ASIC2: variants seen among roughly 807,000 people sequenced by gnomAD.
ASIC2 encodes the protein acid sensing ion channel subunit 2, also known as acid-sensing ion channel 2.
A neutral mutation model predicts 57.3 loss-of-function variants in ASIC2; 25 were observed. The observed-to-expected ratio is 0.44, with a 90% CI of 0.32 to 0.61. The LOEUF (loss-of-function observed/expected upper bound fraction) is 0.61. Ranked by LOEUF, ASIC2 falls within the 20% of genes least tolerant of loss-of-function variation. ASIC2 has a pLI of 0.06. For synonymous variants in ASIC2, 319 were observed against 307.5 expected (o/e 1.04, Z -0.39); for missense variants, 641 against 738.1 (o/e 0.87, Z 1.52).
At chr17:34,023,694 G>A (rs1907270052) in intron 1 of ASIC2, among the ~76,000 whole-genome samples, 1 of 152,178 alleles carries the variant, frequency 6.6e-6, no homozygotes, top group Non-Finnish European at 1.5e-5. Flanking sequence ...GAAGCAGAGA[G>A]TAGCCCTCCC....
chr17:33,084,088 C>A (rs542985378), intron 3 of ASIC2, among the ~76,000 whole-genome samples: 1 of 152,220 alleles, frequency 6.6e-6, no homozygotes, highest in South Asian at 2.1e-4. Flanking sequence ...GCTGGCAGAG[C>A]CGGGAGTGGG....
At chr17:33,431,009 C>A (rs1463005941) in intron 1 of ASIC2, among the ~76,000 whole-genome samples, 1 of 152,096 alleles carries the variant, frequency 6.6e-6, no homozygotes, top group Non-Finnish European at 1.5e-5. Context: ...GTCTCAGCAT[C>A]TATGTGAGAG....
intron 1 of ASIC2, among the ~76,000 whole-genome samples, chr17:33,209,117 G>A (rs1003462968): frequency 2.6e-5 from 4 of 152,092 alleles, no homozygotes; most frequent in African/African-American, 4.8e-5. Context: ...CTCAAGCCTC[G>A]AAGCCCAGGA....
At chr17:33,190,353 A>G (rs1190999908) in intron 1 of ASIC2, among the ~76,000 whole-genome samples, 1 of 152,200 alleles carries the variant, frequency 6.6e-6, no homozygotes, top group Non-Finnish European at 1.5e-5. Context: ...AGAGTCATAC[A>G]CTAAAAACTA....
chr17:33,676,875 T>C (rs1436795934), intron 1 of ASIC2, among the ~76,000 whole-genome samples: 1 of 152,198 alleles, frequency 6.6e-6, no homozygotes, highest in Non-Finnish European at 1.5e-5. Flanking sequence ...GGAAGGTGTC[T>C]GGGTCATGGA....
intron 1 of ASIC2, among the ~76,000 whole-genome samples, chr17:34,027,015 A>G (rs1165440118): frequency 6.6e-6 from 1 of 152,224 alleles, no homozygotes; most frequent in African/African-American, 2.4e-5. Flanking sequence ...GAATGTGGCA[A>G]TCCACACCAA....
chr17:33,474,129 G>A (rs1913140883), intron 1 of ASIC2, among the ~76,000 whole-genome samples: 1 of 152,220 alleles, frequency 6.6e-6, no homozygotes, highest in South Asian at 2.1e-4. Context: ...CACTTTGGGA[G>A]GCTGAGGCAA....
intron 1 of ASIC2, among the ~76,000 whole-genome samples, chr17:33,358,497 G>A (rs1908474367): frequency 6.6e-6 from 1 of 152,192 alleles, no homozygotes; most frequent in Non-Finnish European, 1.5e-5. Flanking sequence ...ATTCATTTTT[G>A]TAGTGGACAT....
At chr17:33,290,724 A>G (rs540100537) in intron 1 of ASIC2, 1 of 152,374 alleles carries the variant, frequency 6.6e-6, no homozygotes, top group Non-Finnish European at 1.5e-5. Flanking sequence ...CTGGCGCACC[A>G]CTGCTCAGTT....
intron 1 of ASIC2, among the ~76,000 whole-genome samples, chr17:33,851,330 A>C (rs1913758183): frequency 6.6e-6 from 1 of 152,026 alleles, no homozygotes. Flanking sequence ...GGGTTGATGT[A>C]TTAAAGACCA....
At chr17:34,027,601 C>T (rs1907428069) in intron 1 of ASIC2, among the ~76,000 whole-genome samples, 1 of 152,198 alleles carries the variant, frequency 6.6e-6, no homozygotes, top group Admixed American at 6.5e-5. Context: ...TTCTTTTGTA[C>T]ACTGCTAGTT....
intron 1 of ASIC2, among the ~76,000 whole-genome samples, chr17:33,240,137 ATGCTTTGGGCTTATGAG>A (rs1908448237): frequency 6.6e-6 from 1 of 152,210 alleles, no homozygotes; most frequent in Non-Finnish European, 1.5e-5. Flanking sequence ...GTTGATCTGG[ATGCTTTGGGCTTATGAG>A]TGCTGGTCCC....
chr17:34,060,240 A>C (rs1184755510), intron 1 of ASIC2, among the ~76,000 whole-genome samples: 1 of 152,202 alleles, frequency 6.6e-6, no homozygotes, highest in African/African-American at 2.4e-5. Flanking sequence ...CCCAGAAGAG[A>C]GACAACCATC....
chr17:33,999,115 CCTT>C (rs1265805480), intron 1 of ASIC2, among the ~76,000 whole-genome samples: 1 of 152,054 alleles, frequency 6.6e-6, no homozygotes, highest in African/African-American at 2.4e-5. Flanking sequence ...TATGTAATGA[CCTT>C]CTTCATCTCT....
At chr17:34,129,602 A>G (rs940521409) in intron 1 of ASIC2, among the ~76,000 whole-genome samples, 2 of 152,222 alleles carry the variant, frequency 1.3e-5, no homozygotes, top group Non-Finnish European at 2.9e-5. Context: ...CACTGCCTAT[A>G]GTACCCCCTC....
chr17:33,930,855 T>G (rs1274979363), intron 1 of ASIC2, among the ~76,000 whole-genome samples: 2 of 152,186 alleles, frequency 1.3e-5, no homozygotes, highest in Admixed American at 6.5e-5. Context: ...GGGGCCCAGA[T>G]TTTACAACTC....
rs142144585 is a variant in ASIC2, at chr17:33,144,946, T to C, written c.709-32879A>G. Among the ~76,000 whole-genome samples, 486 of 152,328 alleles carry C rather than the reference T, an allele frequency of 3.2e-3. 4 individuals carry two copies. The highest frequency in any genetic ancestry group is 0.011 in the African/African-American group (467 of 41,568). ...CTGGAAGCTCCATGACAATCAAGGT[T>C]GTCTCCTATTCAGCTCTGCATTCCT... is the stretch of plus-strand genomic sequence containing the variant. On this transcript the variant is annotated intron_variant, in intron 1 of 9. Transcript: ENST00000225823.
intron 1 of ASIC2, among the ~76,000 whole-genome samples, chr17:34,008,547 C>G (rs1423742375): frequency 6.6e-6 from 1 of 152,166 alleles, no homozygotes; most frequent in African/African-American, 2.4e-5. Context: ...AGAAAATCAG[C>G]AAGCTGAACC....
At chr17:33,671,608 C>A (rs1205126137) in intron 1 of ASIC2, among the ~76,000 whole-genome samples, 2 of 152,172 alleles carry the variant, frequency 1.3e-5, no homozygotes, top group African/African-American at 4.8e-5. Flanking sequence ...GATTAAGACA[C>A]AAAGATCCAG....
Sources: allele counts gnomAD v4.1 joint callset (sites outside exome capture counted in the v4.1 genomes callset), GRCh38; gene constraint gnomAD v4.1.1; transcripts MANE v1.5; gene names NCBI Gene and HGNC (gene_info 2026-07-23, HGNC 2026-07-21).